Variants in ATF7IP2 observed in about 807,000 individuals in gnomAD.
ATF7IP2 encodes activating transcription factor 7 interacting protein 2.
In ATF7IP2, 42 loss-of-function variants were observed where a neutral mutation model predicts 64.2. That is an observed-to-expected ratio of 0.65 (90% CI 0.51 to 0.85). The LOEUF is 0.85. Ranked by LOEUF, ATF7IP2 falls within the 40% of genes least tolerant of loss-of-function variation. The pLI is 0.00. For missense variants in ATF7IP2, 933 were observed against 784.2 expected, an observed-to-expected ratio of 1.19 and a Z score of -2.27; for synonymous variants, 308 against 272.8, an observed-to-expected ratio of 1.13 and a Z score of -1.27.
At chr16:10,413,068 G>A (rs977447775) in intron 1 of ATF7IP2, among the ~76,000 whole-genome samples, 1 of 152,260 alleles carries the variant, frequency 6.6e-6, no homozygotes. Context: ...TGTTAGGTGA[G>A]TCTCTTCAAG....
intron 8 of ATF7IP2, among the ~76,000 whole-genome samples, chr16:10,453,817 A>G (rs1352498024): frequency 6.6e-6 from 1 of 151,812 alleles, no homozygotes; most frequent in African/African-American, 2.4e-5. Flanking sequence ...GGGTTTCTCC[A>G]TGTTGGTCAG....
chr16:10,421,313 G>A (rs923732744), intron 3 of ATF7IP2, among the ~76,000 whole-genome samples: 6 of 152,046 alleles, frequency 3.9e-5, no homozygotes, highest in African/African-American at 1.4e-4. Context: ...AGTCTTCTCT[G>A]GATCTTTTCT....
chr16:10,392,236 G>A (rs1011421990), intron 1 of ATF7IP2, among the ~76,000 whole-genome samples: 3 of 151,450 alleles, frequency 2.0e-5, no homozygotes, highest in Admixed American at 1.3e-4. Context: ...ATGGGGTTTC[G>A]CCATGTTGGT....
At chr16:10,412,311 T>G (rs143055677) in intron 1 of ATF7IP2, among the ~76,000 whole-genome samples, 1 of 152,314 alleles carries the variant, frequency 6.6e-6, no homozygotes, top group Non-Finnish European at 1.5e-5. Flanking sequence ...TTTAGGCATT[T>G]AGGGCTATGA....
At chr16:10,430,301 T>TA (rs1364765027) in intron 4 of ATF7IP2, among the ~76,000 whole-genome samples, 5 of 152,122 alleles carry the variant, frequency 3.3e-5, no homozygotes, top group African/African-American at 4.8e-5. Context: ...CTTACCTGGA[T>TA]AAAAAAATAG....
intron 3 of ATF7IP2, among the ~76,000 whole-genome samples, chr16:10,427,096 C>T (rs1335450830): frequency 1.3e-5 from 2 of 152,148 alleles, no homozygotes; most frequent in Non-Finnish European, 2.9e-5. Flanking sequence ...TCAGGTGATC[C>T]GTTCGCCTCA....
chr16:10,463,240 C>CAG (rs2049433919), intron 9 of ATF7IP2, among the ~76,000 whole-genome samples: 1 of 152,146 alleles, frequency 6.6e-6, no homozygotes, highest in African/African-American at 2.4e-5. Flanking sequence ...TGATGTCTTC[C>CAG]ACCAGACTAG....
At chr16:10,432,984 G>A (rs2048307679) in intron 5 of ATF7IP2, among the ~76,000 whole-genome samples, 1 of 152,124 alleles carries the variant, frequency 6.6e-6, no homozygotes, top group African/African-American at 2.4e-5. Context: ...TCGTATATGT[G>A]TATTGAGTTA....
chr16:10,457,502 C>G lies in ATF7IP2; in HGVS notation c.1325C>G (p.Ser442Ter), dbSNP rs2049215807. Reference protein sequence around the residue: ...EKGSKKINLSSDQNKSVSESN... With the variant: ...EKGSKKINLS Reference sequence around the variant, plus strand: ...GGAAGTAAAAAAATTAATTTGTCATCAGATCAAAATAAGTCTGTTTCTGAA... The same window carrying G: ...GGAAGTAAAAAAATTAATTTGTCATGAGATCAAAATAAGTCTGTTTCTGAA... Residue 442 changes from serine to a stop codon, truncating the protein, a stop_gained, in exon 9 of 14, where the codon TCA becomes TGA. Coordinates refer to ENST00000562102, the MANE Select transcript of ATF7IP2 (RefSeq NM_001393719.1). LOFTEE classifies it high-confidence loss of function. The G allele has an allele frequency of 6.3e-7, 1 of 1,595,032 alleles. No individual in the cohort carries two copies.
Position 10,431,820 on chromosome 16 carries a change from C to CTTTT in ATF7IP2, c.835+383_835+386dup, listed in dbSNP as rs35046235. On this transcript the variant is annotated intron_variant, in intron 5 of 13. Coordinates refer to ENST00000562102, the MANE Select transcript of ATF7IP2 (RefSeq NM_001393719.1). The stretch of plus-strand genomic sequence containing the variant: ...TTAAAAATTGTTGGTAACCCTATTT[C>CTTTT]TTTTTTTTTTTTTTTTTTTTTGAGA... Among the ~76,000 whole-genome samples the CTTTT allele has an allele frequency of 8.3e-4, 94 of 113,268 alleles. 3 individuals are homozygous for CTTTT. The highest frequency in any genetic ancestry group is 1.9e-3 in the African/African-American group (53 of 28,016). The allele number at this position is 113,268 out of a possible 152,430, so 74.3% of individuals were successfully genotyped here.
intron 1 of ATF7IP2, among the ~76,000 whole-genome samples, chr16:10,392,338 CTTT>C (rs78965141): frequency 1.4e-5 from 2 of 138,046 alleles, no homozygotes. Context: ...TGCGCCTGGC[CTTT>C]TTTTTTTTTT....
intron 8 of ATF7IP2, chr16:10,449,367 G>C (rs1489220937): frequency 6.6e-6 from 1 of 152,140 alleles, no homozygotes; most frequent in Non-Finnish European, 1.5e-5. Flanking sequence ...TCTTTGGAAT[G>C]GTTTCAGAAG....
At chr16:10,425,378 C>T (rs996655187) in intron 3 of ATF7IP2, among the ~76,000 whole-genome samples, 4 of 151,428 alleles carry the variant, frequency 2.6e-5, no homozygotes, top group African/African-American at 9.7e-5. Flanking sequence ...AGCTGGAAAT[C>T]TTTAAAGGTA....
intron 7 of ATF7IP2, among the ~76,000 whole-genome samples, chr16:10,439,519 C>T (rs1385913926): frequency 6.7e-6 from 1 of 148,206 alleles, no homozygotes; most frequent in Non-Finnish European, 1.5e-5. Flanking sequence ...TAGGCGTGAG[C>T]CACCGCCCCC....
intron 3 of ATF7IP2, among the ~76,000 whole-genome samples, chr16:10,424,436 T>C (rs2141851326): frequency 6.6e-6 from 1 of 152,356 alleles, no homozygotes; most frequent in East Asian, 1.9e-4. Flanking sequence ...GACCTTGGAT[T>C]AGGCTGTGAT....
At chr16:10,420,450 G>A (rs2047969117) in intron 3 of ATF7IP2, among the ~76,000 whole-genome samples, 1 of 152,188 alleles carries the variant, frequency 6.6e-6, no homozygotes, top group Admixed American at 6.5e-5. Context: ...TGGCAAGTTG[G>A]GCATCGCTGG....
chr16:10,391,757 C>T (rs538943742), intron 1 of ATF7IP2, among the ~76,000 whole-genome samples: 2 of 151,896 alleles, frequency 1.3e-5, no homozygotes, highest in Non-Finnish European at 2.9e-5. Context: ...ATTAGCTGGG[C>T]ATGGTGGTGC....
At chr16:10,437,982 T>A (rs771736358) in intron 6 of ATF7IP2, 119 bp from the exon 7 acceptor site, 2 of 698,556 alleles carry the variant, frequency 2.9e-6, no homozygotes, top group Non-Finnish European at 4.2e-6. Context: ...CAAATATAAA[T>A]AAACTATATT....
intron 3 of ATF7IP2, among the ~76,000 whole-genome samples, chr16:10,423,804 C>G (rs958621257): frequency 6.6e-6 from 1 of 152,184 alleles, no homozygotes; most frequent in African/African-American, 2.4e-5. Context: ...CGAGCCAGAG[C>G]CCATACTTGT....
Sources: gnomAD v4.1 joint callset for allele counts (sites outside exome capture counted in the v4.1 genomes callset) on GRCh38, gnomAD v4.1.1 for gene constraint, MANE v1.5 for transcripts, NCBI Gene and HGNC (gene_info 2026-07-23, HGNC 2026-07-21) for gene names.